The following RGL1 variants were observed in gnomAD, a reference collection of about 807,000 sequenced individuals.
RGL1 encodes ral guanine nucleotide dissociation stimulator-like 1.
In RGL1, 24 loss-of-function variants were observed where a neutral mutation model predicts 95.2. The ratio of observed to expected loss-of-function variants is 0.25; its 90% CI spans 0.18 to 0.35. The LOEUF (loss-of-function observed/expected upper bound fraction) is 0.35. Ranked by LOEUF, RGL1 falls within the 10% of genes least tolerant of loss-of-function variation. RGL1 has a pLI of 1.00. For synonymous variants in RGL1, 329 were observed against 344.9 expected (o/e 0.95, Z 0.51); for missense variants, 715 against 936.3 (o/e 0.76, Z 3.08).
intron 8 of RGL1, among the ~76,000 whole-genome samples, chr1:183,890,252 A>AAGGAAAGTC (rs1396026378): frequency 2.0e-5 from 3 of 152,160 alleles, no homozygotes; most frequent in African/African-American, 7.2e-5. Flanking sequence ...AAAGAACACT[A>AAGGAAAGTC]AGGAAAGTCA....
chr1:183,826,868 A>C (rs1048402608), intron 2 of RGL1, among the ~76,000 whole-genome samples: 1 of 152,154 alleles, frequency 6.6e-6, no homozygotes, highest in African/African-American at 2.4e-5. Flanking sequence ...TGAACACTAA[A>C]TTCTCCCATG....
At chr1:183,685,426 T>C (rs973418700) in intron 1 of RGL1, among the ~76,000 whole-genome samples, 3 of 152,246 alleles carry the variant, frequency 2.0e-5, no homozygotes, top group Non-Finnish European at 4.4e-5. Flanking sequence ...TTTAAGACTT[T>C]GGGTTTATAT....
chr1:183,727,539 C>T (rs1339272373), intron 1 of RGL1, among the ~76,000 whole-genome samples: 2 of 152,060 alleles, frequency 1.3e-5, no homozygotes, highest in African/African-American at 4.8e-5. Context: ...GCCCTAAGAT[C>T]AAGTAGACAA....
At chr1:183,856,552 C>T (rs2102564569) in intron 3 of RGL1, among the ~76,000 whole-genome samples, 1 of 151,186 alleles carries the variant, frequency 6.6e-6, no homozygotes, top group African/African-American at 2.4e-5. Context: ...AGTTTTGGTC[C>T]ACACACTCAG....
intron 4 of RGL1, among the ~76,000 whole-genome samples, chr1:183,866,449 G>A (rs929389057): frequency 6.6e-6 from 1 of 152,198 alleles, no homozygotes; most frequent in Non-Finnish European, 1.5e-5. Flanking sequence ...TAGGGTGCCC[G>A]GATTGGGCTG....
At chr1:183,863,745 T>G (rs1205297530) in intron 3 of RGL1, among the ~76,000 whole-genome samples, 4 of 152,202 alleles carry the variant, frequency 2.6e-5, no homozygotes, top group Non-Finnish European at 5.9e-5. Flanking sequence ...CTGCAAGATT[T>G]GAGCCTCAGC....
At chr1:183,811,183 C>T (rs772578335) in intron 2 of RGL1, among the ~76,000 whole-genome samples, 2 of 152,152 alleles carry the variant, frequency 1.3e-5, no homozygotes, top group Non-Finnish European at 2.9e-5. Context: ...TACACCCATT[C>T]GAGAACAAAG....
intron 1 of RGL1, among the ~76,000 whole-genome samples, chr1:183,673,288 T>C (rs1360262458): frequency 1.3e-5 from 2 of 152,220 alleles, no homozygotes; most frequent in Non-Finnish European, 2.9e-5. Context: ...TGTCTCAACT[T>C]TGGGTTCCTG....
At chr1:183,680,831 G>C (rs921026261) in intron 1 of RGL1, among the ~76,000 whole-genome samples, 1 of 152,052 alleles carries the variant, frequency 6.6e-6, no homozygotes, top group African/African-American at 2.4e-5. Context: ...TTTTCCATTT[G>C]TTTGTGTCCT....
At chr1:183,698,156 A>G (rs1388724428) in intron 1 of RGL1, among the ~76,000 whole-genome samples, 3 of 152,192 alleles carry the variant, frequency 2.0e-5, no homozygotes, top group Non-Finnish European at 4.4e-5. Context: ...TATCACATTG[A>G]TGACTTAAAA....
chr1:183,730,383 G>A (rs1011430144), intron 1 of RGL1, among the ~76,000 whole-genome samples: 2 of 152,026 alleles, frequency 1.3e-5, no homozygotes, highest in African/African-American at 2.4e-5. Context: ...GGTGTGTTTC[G>A]GCCACAGGTC....
At chr1:183,831,067 A>G (rs1572472384) in intron 2 of RGL1, among the ~76,000 whole-genome samples, 1 of 152,314 alleles carries the variant, frequency 6.6e-6, no homozygotes, top group East Asian at 1.9e-4. Context: ...GAACCCATGG[A>G]GTTTACAGGC....
At chr1:183,702,995 C>G (rs1331370558) in intron 1 of RGL1, among the ~76,000 whole-genome samples, 5 of 152,152 alleles carry the variant, frequency 3.3e-5, no homozygotes, top group African/African-American at 1.2e-4. Flanking sequence ...ACAGCAGTAC[C>G]TCTCTCGGTC....
At chr1:183,857,308 G>C (rs902408820) in intron 3 of RGL1, among the ~76,000 whole-genome samples, 2 of 152,190 alleles carry the variant, frequency 1.3e-5, no homozygotes, top group Non-Finnish European at 2.9e-5. Context: ...CTCTAGAAAG[G>C]AACATAGCCC....
chr1:183,847,546 A>G lies in RGL1; in HGVS notation c.139-20A>G, dbSNP rs1226792924. 1 of 1,598,372 alleles carries G rather than the reference A, an allele frequency of 6.3e-7. No homozygotes were observed. On this transcript the variant is annotated intron_variant, in intron 2 of 17. Transcript: ENST00000360851. Reference sequence around the variant, plus strand: ...TAGGGAGTCATTTCTCCTTATGGTAATTGTTAATTTATTATACAGGTTGAA... The same window carrying G: ...TAGGGAGTCATTTCTCCTTATGGTAGTTGTTAATTTATTATACAGGTTGAA...
chr1:183,739,663 A>G (rs549536902), intron 1 of RGL1, among the ~76,000 whole-genome samples: 2 of 152,338 alleles, frequency 1.3e-5, no homozygotes, highest in East Asian at 3.9e-4. Flanking sequence ...AGTCTCAGAT[A>G]GGGTGGAGGA....
chr1:183,789,369 G>A (rs544448102), intron 2 of RGL1, among the ~76,000 whole-genome samples: 1 of 152,206 alleles, frequency 6.6e-6, no homozygotes, highest in African/African-American at 2.4e-5. Flanking sequence ...AGAATTGCTC[G>A]AACCCGGGAG....
chr1:183,800,662 C>T (rs551924118), upstream of RGL1, among the ~76,000 whole-genome samples: 19 of 152,234 alleles, frequency 1.2e-4, no homozygotes, highest in South Asian at 3.7e-3. Flanking sequence ...CTCATCTGCC[C>T]CTCTCTCCAG....
chr1:183,725,896 G>A (rs181912383), intron 1 of RGL1, among the ~76,000 whole-genome samples: 2 of 152,234 alleles, frequency 1.3e-5, no homozygotes, highest in African/African-American at 4.8e-5. Context: ...TACCAAGATA[G>A]ACCACATGCT....
Sources: gnomAD v4.1 joint callset for allele counts (sites outside exome capture counted in the v4.1 genomes callset) on GRCh38, gnomAD v4.1.1 for gene constraint, MANE v1.5 for transcripts, NCBI Gene and HGNC (gene_info 2026-07-23, HGNC 2026-07-21) for gene names.